The following DPT variants were observed in gnomAD, a reference collection of about 807,000 sequenced individuals.
The protein encoded by DPT is tyrosine-rich acidic matrix protein.
A neutral mutation model predicts 31.2 loss-of-function variants in DPT; 21 were observed. The observed-to-expected ratio is 0.67, with a 90% CI of 0.48 to 0.97. The LOEUF is 0.97. Ranked by LOEUF, DPT falls within the 50% of genes least tolerant of loss-of-function variation. The pLI, the probability that DPT is intolerant of heterozygous loss-of-function variation, is 0.00. For missense variants in DPT, 262 were observed against 258.8 expected, an observed-to-expected ratio of 1.01 and a Z score of -0.08; for synonymous variants, 91 against 86.9, an observed-to-expected ratio of 1.05 and a Z score of -0.26.
At chr1:168,708,579 T>C (rs1405711552) in intron 2 of DPT, among the ~76,000 whole-genome samples, 3 of 152,234 alleles carry the variant, frequency 2.0e-5, no homozygotes, top group African/African-American at 4.8e-5. Context: ...TTTTTATTTT[T>C]TTATTTTACT....
chr1:168,714,680 T>C (rs1319244947), intron 1 of DPT, among the ~76,000 whole-genome samples: 1 of 152,238 alleles, frequency 6.6e-6, no homozygotes, highest in African/African-American at 2.4e-5. Flanking sequence ...GATTGTATTA[T>C]TCATGCCATT....
At chr1:168,728,845 G>A (rs766049286) in intron 1 of DPT, 25 bp downstream of exon 1, 9 of 1,610,172 alleles carry the variant, frequency 5.6e-6, no homozygotes, top group Non-Finnish European at 7.6e-6. Context: ...CCCAGCCCCA[G>A]TGCAGTGCAG....
intron 2 of DPT, among the ~76,000 whole-genome samples, chr1:168,709,025 C>A (rs1244732848): frequency 1.3e-5 from 2 of 152,064 alleles, no homozygotes; most frequent in African/African-American, 4.8e-5. Context: ...GGGAAGTAGG[C>A]AGTGGAGAAT....
rs192877663 is a variant in DPT at position 168,707,197 on chromosome 1, G to A, written c.432-6073C>T. Among the ~76,000 whole-genome samples the A allele has an allele frequency of 4.0e-3, 611 of 152,090 alleles. 3 individuals are homozygous for A. Among genetic ancestry groups the A allele is most frequent in the Middle Eastern group, 0.024 (7 of 294 alleles). On this transcript the variant is annotated intron_variant, in intron 2 of 3. Transcript: ENST00000367817. ...ATAGTATCATAATTTTTGTGTGTGA[G>A]GATTAAATGCAGTAACACAGGAACA...
At chr1:168,702,333 G>C (rs1274348123) in intron 2 of DPT, among the ~76,000 whole-genome samples, 1 of 152,176 alleles carries the variant, frequency 6.6e-6, no homozygotes, top group Admixed American at 6.5e-5. Flanking sequence ...GGGCTCCTAG[G>C]AGGATCTCAG....
At chr1:168,715,211 G>T (rs1275394247) in intron 1 of DPT, among the ~76,000 whole-genome samples, 1 of 152,198 alleles carries the variant, frequency 6.6e-6, no homozygotes, top group East Asian at 1.9e-4. Context: ...CTGTGCTGCT[G>T]CTGGTCTTCA....
intron 1 of DPT, among the ~76,000 whole-genome samples, chr1:168,727,651 C>A (rs1019390257): frequency 6.6e-6 from 1 of 151,552 alleles, no homozygotes; most frequent in Non-Finnish European, 1.5e-5. Flanking sequence ...GATCCTCCTA[C>A]CTTAGCCTCC....
In DPT at chr1:168,712,181, T is replaced by C. The variant is rs533717605; in HGVS notation, c.431+2040A>G. 6.6e-5 allele frequency among the ~76,000 whole-genome samples: 10 copies of C among 152,270 alleles called. No homozygotes were observed. The South Asian group carries it at 1.7e-3, about 25-fold the overall frequency. On this transcript the variant is annotated intron_variant, in intron 2 of 3. Transcript: ENST00000367817. ...GGAAGTCCAGGTAGAGAGGAGCAAC[T>C]GTACACAGGTGGTAAAATGCATAAA... is the stretch of plus-strand genomic sequence containing the variant.
At chr1:168,716,112 TTAGATATTAAA>T (rs1385910301) in intron 1 of DPT, among the ~76,000 whole-genome samples, 1 of 152,240 alleles carries the variant, frequency 6.6e-6, no homozygotes, top group Non-Finnish European at 1.5e-5. Context: ...TCTAACAAAA[TTAGATATTAAA>T]TATATTACTT....
chr1:168,726,091 G>A (rs543666713), intron 1 of DPT, among the ~76,000 whole-genome samples: 16 of 152,304 alleles, frequency 1.1e-4, no homozygotes, highest in Middle Eastern at 3.4e-3. Context: ...TTGTAAAGAA[G>A]TTGTTTTGCA....
At chr1:168,717,050 A>G (rs140659439) in intron 1 of DPT, among the ~76,000 whole-genome samples, 324 of 152,348 alleles carry the variant, frequency 2.1e-3, no homozygotes, top group African/African-American at 7.5e-3. Flanking sequence ...AATAATTTAT[A>G]GTCCTTTGGG....
At chr1:168,718,773 A>G (rs1287019671) in intron 1 of DPT, among the ~76,000 whole-genome samples, 1 of 152,230 alleles carries the variant, frequency 6.6e-6, no homozygotes, top group Non-Finnish European at 1.5e-5. Flanking sequence ...ACCAAATAAG[A>G]CAACGCATGT....
chr1:168,709,411 C>G (rs1344247627), intron 2 of DPT, among the ~76,000 whole-genome samples: 1 of 152,228 alleles, frequency 6.6e-6, no homozygotes, highest in Non-Finnish European at 1.5e-5. Context: ...TTCATCCAAT[C>G]CAGTGGAGAC....
chr1:168,717,144 T>C (rs1419774440), intron 1 of DPT, among the ~76,000 whole-genome samples: 1 of 152,236 alleles, frequency 6.6e-6, no homozygotes, highest in East Asian at 1.9e-4. Context: ...CCTTCTACAA[T>C]GGTTGAACTA....
chr1:168,728,710 G>T (rs1360307698), intron 1 of DPT, among the ~76,000 whole-genome samples, 160 bp downstream of exon 1: 1 of 152,178 alleles, frequency 6.6e-6, no homozygotes, highest in Admixed American at 6.5e-5. Flanking sequence ...AGTCCGCTCA[G>T]CAGCAGCCCT....
intron 1 of DPT, among the ~76,000 whole-genome samples, chr1:168,719,110 C>A (rs965587326): frequency 1.3e-5 from 2 of 152,190 alleles, no homozygotes; most frequent in African/African-American, 4.8e-5. Flanking sequence ...AGTGACCCGA[C>A]TATGTCCCAT....
chr1:168,723,276 C>T (rs1322114904), intron 1 of DPT, among the ~76,000 whole-genome samples: 2 of 152,238 alleles, frequency 1.3e-5, no homozygotes, highest in African/African-American at 2.4e-5. Flanking sequence ...TCAGGTCCTC[C>T]GTCTGCCATC....
chr1:168,728,832 G>A (rs1381572600), intron 1 of DPT, 38 bp downstream of exon 1: 1 of 1,601,354 alleles, frequency 6.2e-7, no homozygotes, highest in Admixed American at 1.7e-5. Context: ...ATGCAGAGAT[G>A]TTCCCAGCCC....
chr1:168,727,600 C>T (rs1271535851), intron 1 of DPT, among the ~76,000 whole-genome samples: 4 of 149,172 alleles, frequency 2.7e-5, no homozygotes, highest in South Asian at 2.1e-4. Context: ...TACAGTGGTG[C>T]GAGCATGGCT....
Sources: gnomAD v4.1 joint callset for allele counts (sites outside exome capture counted in the v4.1 genomes callset) on GRCh38, gnomAD v4.1.1 for gene constraint, MANE v1.5 for transcripts, NCBI Gene and HGNC (gene_info 2026-07-23, HGNC 2026-07-21) for gene names.